Variants in ITPR1 observed in about 807,000 individuals in gnomAD.
ITPR1 encodes inositol 1,4,5-trisphosphate receptor type 1.
ITPR1 carries 96 observed loss-of-function variants against 318.4 expected under a neutral mutation model. The ratio of observed to expected loss-of-function variants is 0.30; its 90% CI spans 0.26 to 0.36. The LOEUF (loss-of-function observed/expected upper bound fraction) is 0.36. Ranked by LOEUF, ITPR1 falls within the 10% of genes least tolerant of loss-of-function variation. ITPR1 has a pLI of 1.00. For synonymous variants in ITPR1, 1,312 were observed against 1,289.9 expected, an observed-to-expected ratio of 1.02 and a Z score of -0.37; for missense variants, 2,440 against 3,460.2, an observed-to-expected ratio of 0.71 and a Z score of 7.40.
intron 4 of ITPR1, among the ~76,000 whole-genome samples, chr3:4,531,369 C>A (rs2083399538): frequency 6.6e-6 from 1 of 152,154 alleles, no homozygotes; most frequent in Non-Finnish European, 1.5e-5. Context: ...ACCAAAGTTG[C>A]TGCACAGACT....
intron 4 of ITPR1, among the ~76,000 whole-genome samples, chr3:4,603,082 T>C (rs2091420952): frequency 6.6e-6 from 1 of 151,962 alleles, no homozygotes; most frequent in Non-Finnish European, 1.5e-5. Flanking sequence ...AGGCATCAAA[T>C]AAAATAATAA....
intron 5 of ITPR1, among the ~76,000 whole-genome samples, 191 bp from the exon 6 acceptor site, chr3:4,639,193 G>C (rs1676267659): frequency 6.6e-6 from 1 of 152,170 alleles, no homozygotes; most frequent in Non-Finnish European, 1.5e-5. Context: ...AAAAAGGCCA[G>C]CCAAGCAAAG....
At chr3:4,793,775 A>T (rs1000217179) in intron 52 of ITPR1, among the ~76,000 whole-genome samples, 1 of 152,148 alleles carries the variant, frequency 6.6e-6, no homozygotes. Context: ...AGTTTCCCTC[A>T]TTTATACAAT....
At chr3:4,699,523 G>A (rs1405770048) in intron 34 of ITPR1, among the ~76,000 whole-genome samples, 2 of 152,184 alleles carry the variant, frequency 1.3e-5, no homozygotes, top group East Asian at 1.9e-4. Context: ...TCTTACTGCC[G>A]TTTGGGGTTT....
chr3:4,700,671 C>G (rs2094633985), intron 35 of ITPR1, among the ~76,000 whole-genome samples: 1 of 152,120 alleles, frequency 6.6e-6, no homozygotes, highest in Non-Finnish European at 1.5e-5. Flanking sequence ...GCCATCGTGT[C>G]CTTTTGCTCT....
intron 4 of ITPR1, among the ~76,000 whole-genome samples, chr3:4,614,237 G>T (rs2092292066): frequency 3.3e-5 from 5 of 152,180 alleles, no homozygotes; most frequent in Non-Finnish European, 7.3e-5. Context: ...CTGTGCTCCA[G>T]CCTGGGTGAC....
intron 23 of ITPR1, among the ~76,000 whole-genome samples, chr3:4,676,179 CA>C (rs5846331): frequency 0.21 from 28,175 of 134,662 alleles, 2,838 homozygotes; most frequent in South Asian, 0.36. Flanking sequence ...CTATCTCTAC[CA>C]AAAAAAAAAA....
intron 44 of ITPR1, among the ~76,000 whole-genome samples, chr3:4,752,663 T>G (rs1041796612): frequency 6.6e-6 from 1 of 152,212 alleles, no homozygotes; most frequent in Non-Finnish European, 1.5e-5. Flanking sequence ...TTCATTAATA[T>G]AGTAAATTTT....
chr3:4,522,943 T>C (rs1468483420), intron 4 of ITPR1, among the ~76,000 whole-genome samples: 1 of 152,212 alleles, frequency 6.6e-6, no homozygotes, highest in East Asian at 1.9e-4. Context: ...CCTGGAGAAC[T>C]CTCAGAAACA....
At chr3:4,766,784 A>G (rs2045845778) in intron 45 of ITPR1, 74 bp downstream of exon 45, 1 of 1,234,380 alleles carries the variant, frequency 8.1e-7, no homozygotes, top group South Asian at 1.6e-5. Flanking sequence ...CATTGTTTTC[A>G]TTACTTCTGT....
chr3:4,817,094 G>T (rs1245877078), intron 59 of ITPR1, among the ~76,000 whole-genome samples: 1 of 152,204 alleles, frequency 6.6e-6, no homozygotes, highest in East Asian at 1.9e-4. Flanking sequence ...CCTGGGTTTA[G>T]TCATGTCATC....
At chr3:4,582,214 A>G (rs1474722819) in intron 4 of ITPR1, among the ~76,000 whole-genome samples, 3 of 152,102 alleles carry the variant, frequency 2.0e-5, no homozygotes, top group Non-Finnish European at 2.9e-5. Flanking sequence ...TATTTTTATC[A>G]AGTAGGCAAT....
intron 44 of ITPR1, among the ~76,000 whole-genome samples, chr3:4,736,795 A>G (rs1418282322): frequency 6.6e-6 from 1 of 152,236 alleles, no homozygotes; most frequent in Non-Finnish European, 1.5e-5. Context: ...TCCTTGTCTT[A>G]GAACCACATG....
chr3:4,735,594 C>T (rs962741629), intron 44 of ITPR1: 6 of 501,690 alleles, frequency 1.2e-5, no homozygotes, highest in Admixed American at 3.5e-5. Flanking sequence ...ACTGAGAATA[C>T]GCAAAGGAAA....
intron 60 of ITPR1, among the ~76,000 whole-genome samples, chr3:4,820,379 C>G (rs10154928): frequency 1.3e-5 from 2 of 152,160 alleles, no homozygotes; most frequent in Non-Finnish European, 2.9e-5. Context: ...CTTCCAGGGG[C>G]CAGTTTTGAA....
chr3:4,818,788 G>A (rs147480671), intron 60 of ITPR1, among the ~76,000 whole-genome samples: 1,589 of 152,240 alleles, frequency 0.01, 77 homozygotes, highest in Admixed American at 0.083. Context: ...TGGGAAGTGT[G>A]GATACTGTGT....
chr3:4,677,389 T>C (rs1250230628), intron 24 of ITPR1, among the ~76,000 whole-genome samples: 1 of 152,176 alleles, frequency 6.6e-6, no homozygotes, highest in Non-Finnish European at 1.5e-5. Flanking sequence ...TTGGAGACAC[T>C]GAGGACAGGG....
chr3:4,768,493 C>A lies in ITPR1; in HGVS notation c.5726-18C>A. 6.3e-7 allele frequency: 1 copy of A among 1,594,202 alleles called. No individual in the cohort carries two copies. On this transcript the variant is annotated intron_variant, in intron 45 of 61. Coordinates refer to ENST00000649015, the MANE Select transcript of ITPR1 (RefSeq NM_001378452.1). ...ATGAGGACTCTGCAGCCTTTCATGCCTTATGCTTGCTTTCTAGCTAAAGAG... is the reference window on the plus strand; with the variant it reads ...ATGAGGACTCTGCAGCCTTTCATGCATTATGCTTGCTTTCTAGCTAAAGAG...
intron 3 of ITPR1, among the ~76,000 whole-genome samples, chr3:4,519,237 T>G (rs2124923521): frequency 6.6e-6 from 1 of 152,260 alleles, no homozygotes; most frequent in African/African-American, 2.4e-5. Context: ...ATTTATTTTT[T>G]TTTTTCTTGA....
Sources: gnomAD v4.1 joint callset for allele counts (sites outside exome capture counted in the v4.1 genomes callset) on GRCh38, gnomAD v4.1.1 for gene constraint, MANE v1.5 for transcripts, NCBI Gene and HGNC (gene_info 2026-07-23, HGNC 2026-07-21) for gene names.